B3GLCT: variants seen among roughly 807,000 people sequenced by gnomAD.
B3GLCT encodes beta 3-glucosyltransferase, also known as beta-1,3-glucosyltransferase.
B3GLCT carries 65 observed loss-of-function variants against 63.4 expected under a neutral mutation model. The observed-to-expected ratio is 1.03, with a 90% CI of 0.84 to 1.26. The LOEUF (loss-of-function observed/expected upper bound fraction) is 1.26, where lower values mean the gene tolerates loss of function less well. B3GLCT is among the 50% of genes most tolerant of loss of function. B3GLCT has a pLI of 0.00. For missense variants in B3GLCT, 577 were observed against 604.8 expected (o/e 0.95, Z 0.48); for synonymous variants, 233 against 219.2 (o/e 1.06, Z -0.55).
chr13:31,314,986 CT>C (rs1874920747), intron 12 of B3GLCT, among the ~76,000 whole-genome samples: 2 of 152,176 alleles, frequency 1.3e-5, no homozygotes, highest in Admixed American at 1.3e-4. Context: ...TTCTCATTGT[CT>C]TTTGCTGCCA....
chr13:31,205,248 G>GT lies in B3GLCT; in HGVS notation c.70+5105dup, dbSNP rs1199157279. On this transcript the variant is annotated intron_variant, in intron 1 of 14. Transcript: ENST00000343307. The stretch of plus-strand genomic sequence containing the variant: ...CAATTTGAGTAGGTTTTTTTTTTTT[G>GT]TTTTTTTTTTTAAGAGTTGGGTGTC... Among the ~76,000 whole-genome samples the GT allele has an allele frequency of 3.9e-3, 533 of 135,864 alleles. 3 individuals carry two copies. The highest frequency in any genetic ancestry group is 9.2e-3 in the African/African-American group (342 of 37,046). The allele number at this position is 135,864 out of a possible 152,430, so 89.1% of individuals were successfully genotyped here. A position where few individuals can be genotyped will look rare whatever the true frequency, so the allele number is the denominator to read the frequency against.
intron 12 of B3GLCT, among the ~76,000 whole-genome samples, chr13:31,289,010 A>G (rs548122027): frequency 2.6e-5 from 4 of 152,212 alleles, no homozygotes; most frequent in South Asian, 2.1e-4. Context: ...TGAATTCAAG[A>G]TGTGAATGAG....
intron 10 of B3GLCT, among the ~76,000 whole-genome samples, chr13:31,277,604 T>C (rs1810818153): frequency 6.6e-6 from 1 of 152,218 alleles, no homozygotes; most frequent in African/African-American, 2.4e-5. Flanking sequence ...ACTGTCATTT[T>C]CATGGGATTG....
At chr13:31,291,426 C>T (rs1256527053) in intron 12 of B3GLCT, among the ~76,000 whole-genome samples, 3 of 152,134 alleles carry the variant, frequency 2.0e-5, no homozygotes, top group African/African-American at 2.4e-5. Context: ...TCAGTATGGC[C>T]GTTTTCACAA....
intron 2 of B3GLCT, among the ~76,000 whole-genome samples, chr13:31,218,558 T>G (rs1869669912): frequency 6.6e-6 from 1 of 152,192 alleles, no homozygotes; most frequent in South Asian, 2.1e-4. Flanking sequence ...ATGCTACTGA[T>G]TTTTGCACAT....
In B3GLCT at chr13:31,260,948, A is replaced by G. The variant is rs771842620; in HGVS notation, c.462A>G (p.Glu154=). ...CATGTTATATCTTTATTTAACAGGA[A>G]TGGTTTTTGGGAAAAGCATTACATG... ...ETLRRYDPSK[E]WFLGKALHDE... is the part of the protein sequence containing the mutation. The change falls in exon 7 of 15, where the codon GAA becomes GAG. Residue 154 remains glutamate (E), a splice_region_variant and synonymous_variant. Coordinates refer to ENST00000343307, the MANE Select transcript of B3GLCT (RefSeq NM_194318.4). 9 of 1,613,414 alleles carry G rather than the reference A, an allele frequency of 5.6e-6. No individual in the cohort carries two copies. The highest frequency in any genetic ancestry group is 7.6e-6 in the Non-Finnish European group (9 of 1,179,444).
chr13:31,259,345 A>T (rs1871901701), intron 6 of B3GLCT, among the ~76,000 whole-genome samples: 1 of 151,792 alleles, frequency 6.6e-6, no homozygotes, highest in Admixed American at 6.6e-5. Flanking sequence ...GCTATGGATG[A>T]TAGGACTTCC....
Position 31,294,723 on chromosome 13 carries a change from G to C in B3GLCT, c.1064+7904G>C, listed in dbSNP as rs1209953952. Among the ~76,000 whole-genome samples the C allele has an allele frequency of 6.6e-5, 10 of 152,074 alleles. No homozygotes were observed. The East Asian group carries it at 1.9e-3, about 29-fold the overall frequency. ...AGCAATTCGTCTAACCTTTTTTCAA[G>C]GTTCTTAGCTTCCTTGCATTGGATT... On this transcript the variant is annotated intron_variant, in intron 12 of 14. Transcript: ENST00000343307.
At chr13:31,233,590 G>T (rs184302665) in intron 4 of B3GLCT, among the ~76,000 whole-genome samples, 129 of 152,262 alleles carry the variant, frequency 8.5e-4, no homozygotes, top group African/African-American at 3.0e-3. Flanking sequence ...TCCAGTGTGT[G>T]TAGGCCAAGC....
chr13:31,294,474 C>T (rs2137894822), intron 12 of B3GLCT, among the ~76,000 whole-genome samples: 2 of 152,352 alleles, frequency 1.3e-5, no homozygotes, highest in Middle Eastern at 3.4e-3. Flanking sequence ...GGTCTTTTCA[C>T]ATAGTCCCAT....
chr13:31,250,932 G>C (rs1443525223), intron 6 of B3GLCT, among the ~76,000 whole-genome samples: 1 of 152,192 alleles, frequency 6.6e-6, no homozygotes, highest in African/African-American at 2.4e-5. Flanking sequence ...ACACCTCCCA[G>C]TAGGGGCCGA....
chr13:31,215,675 A>G (rs1869523529), intron 2 of B3GLCT, among the ~76,000 whole-genome samples: 2 of 152,010 alleles, frequency 1.3e-5, no homozygotes, highest in Admixed American at 6.6e-5. Flanking sequence ...CAGCCTCCCA[A>G]AGTGCTGGGA....
Position 31,205,372 on chromosome 13 carries a change from C to T in B3GLCT, c.70+5218C>T, listed in dbSNP as rs183593758. On this transcript the variant is annotated intron_variant, in intron 1 of 14. Transcript: ENST00000343307. ...AGGAGTTCAGGACCAGCCTGGCCAACAAGGTGAAACCCCATCTCTACTAAA... is the reference window on the plus strand; with the variant it reads ...AGGAGTTCAGGACCAGCCTGGCCAATAAGGTGAAACCCCATCTCTACTAAA... Among the ~76,000 whole-genome samples the T allele has an allele frequency of 2.4e-3, 367 of 151,594 alleles. 2 individuals carry two copies. The highest frequency in any genetic ancestry group is 8.6e-3 in the African/African-American group (356 of 41,306).
intron 4 of B3GLCT, among the ~76,000 whole-genome samples, chr13:31,235,189 G>C (rs2137783060): frequency 6.6e-6 from 1 of 152,252 alleles, no homozygotes; most frequent in South Asian, 2.1e-4. Flanking sequence ...ATGAGGTGGG[G>C]CTGCTGAGTG....
chr13:31,201,213 A>G (rs988027708), intron 1 of B3GLCT, among the ~76,000 whole-genome samples: 2 of 152,166 alleles, frequency 1.3e-5, no homozygotes, highest in African/African-American at 4.8e-5. Context: ...ACGTAGCGTT[A>G]TTGCGCACTG....
intron 3 of B3GLCT, among the ~76,000 whole-genome samples, chr13:31,226,418 T>C (rs1655804787): frequency 6.6e-6 from 1 of 152,162 alleles, no homozygotes; most frequent in South Asian, 2.1e-4. Context: ...AGAGGACAGA[T>C]ACAACTCACA....
intron 12 of B3GLCT, among the ~76,000 whole-genome samples, chr13:31,302,346 G>C (rs1207598850): frequency 6.6e-6 from 1 of 152,020 alleles, no homozygotes; most frequent in South Asian, 2.1e-4. Flanking sequence ...AATAGGAACA[G>C]CTCCGGTCTA....
At chr13:31,213,485 G>A (rs909316484) in intron 1 of B3GLCT, among the ~76,000 whole-genome samples, 1 of 152,112 alleles carries the variant, frequency 6.6e-6, no homozygotes, top group Non-Finnish European at 1.5e-5. Flanking sequence ...AGCTACTCGG[G>A]AGGCTGAGGT....
chr13:31,234,499 G>A (rs1466251577), intron 4 of B3GLCT, among the ~76,000 whole-genome samples: 1 of 152,158 alleles, frequency 6.6e-6, no homozygotes, highest in African/African-American at 2.4e-5. Context: ...CACTAGCTAG[G>A]TTGAGGCTGA....
Sources: gnomAD v4.1 joint callset for allele counts (sites outside exome capture counted in the v4.1 genomes callset) on GRCh38, gnomAD v4.1.1 for gene constraint, MANE v1.5 for transcripts, NCBI Gene and HGNC (gene_info 2026-07-23, HGNC 2026-07-21) for gene names.